TAOK3: variants seen among roughly 807,000 people sequenced by gnomAD.
The protein encoded by TAOK3 is TAO kinase 3, also known as serine/threonine-protein kinase TAO3.
Under a neutral mutation model 120.4 loss-of-function variants are expected in TAOK3, and 40 were observed. The ratio of observed to expected loss-of-function variants is 0.33; its 90% confidence interval spans 0.26 to 0.43. TAOK3 has a LOEUF of 0.43. TAOK3 is among the 20% of genes least tolerant of loss of function. TAOK3 has a pLI of 1.00. For synonymous variants in TAOK3, 355 were observed against 387.5 expected, an observed-to-expected ratio of 0.92 and a Z score of 0.99; for missense variants, 821 against 1,112.1, an observed-to-expected ratio of 0.74 and a Z score of 3.72.
At chr12:118,314,361 C>T (rs150288140) in intron 1 of TAOK3, among the ~76,000 whole-genome samples, 255 of 152,168 alleles carry the variant, frequency 1.7e-3, no homozygotes, top group Non-Finnish European at 2.9e-3. Flanking sequence ...TATTGAGATA[C>T]AACTAATTAT....
At chr12:118,341,229 G>A (rs2044606223) in intron 1 of TAOK3, among the ~76,000 whole-genome samples, 1 of 151,992 alleles carries the variant, frequency 6.6e-6, no homozygotes, top group South Asian at 2.1e-4. Flanking sequence ...TCAAACATCT[G>A]ACCTCAAGTG....
At chr12:118,248,986 AT>A (rs1299593301) in intron 3 of TAOK3, among the ~76,000 whole-genome samples, 1 of 152,194 alleles carries the variant, frequency 6.6e-6, no homozygotes, top group Non-Finnish European at 1.5e-5. Context: ...TTAAAAAAAA[AT>A]CAATGTTTTA....
intron 1 of TAOK3, among the ~76,000 whole-genome samples, chr12:118,288,643 C>T (rs551929268): frequency 6.6e-6 from 1 of 152,206 alleles, no homozygotes; most frequent in South Asian, 2.1e-4. Flanking sequence ...AAGCCAGGGG[C>T]GGTGGCTCAC....
chr12:118,178,022 C>T (rs1031856376), intron 15 of TAOK3, among the ~76,000 whole-genome samples: 4 of 152,078 alleles, frequency 2.6e-5, no homozygotes, highest in Non-Finnish European at 5.9e-5. Context: ...GCATAGCTCA[C>T]TGCAGCCTAA....
intron 1 of TAOK3, among the ~76,000 whole-genome samples, chr12:118,341,475 T>C (rs1477714433): frequency 6.6e-6 from 1 of 152,118 alleles, no homozygotes; most frequent in East Asian, 1.9e-4. Flanking sequence ...AATAATGCAA[T>C]GCATTTTAAA....
At chr12:118,246,113 G>C in intron 3 of TAOK3, 2 of 1,355,514 alleles carry the variant, frequency 1.5e-6, no homozygotes, top group Non-Finnish European at 1.0e-6. Context: ...CAGCGGGGGG[G>C]CACGGAGGCC....
At chr12:118,255,744 T>G in intron 2 of TAOK3, 89 bp from the exon 3 acceptor site, 1 of 609,748 alleles carries the variant, frequency 1.6e-6, no homozygotes, top group East Asian at 3.0e-5. Flanking sequence ...AAAAGCCTCT[T>G]GGTCTCACAA....
chr12:118,287,356 C>T (rs1265449920), intron 1 of TAOK3, among the ~76,000 whole-genome samples: 1 of 152,136 alleles, frequency 6.6e-6, no homozygotes, highest in Non-Finnish European at 1.5e-5. Flanking sequence ...CAGGTTCAGG[C>T]AATTCTCCTG....
At chr12:118,259,814 T>C (rs11068891) in intron 2 of TAOK3, among the ~76,000 whole-genome samples, 26,641 of 151,842 alleles carry the variant, frequency 0.18, 2,415 homozygotes, top group East Asian at 0.26. Flanking sequence ...GGGCAGAGTG[T>C]CAAATAGAAG....
chr12:118,235,537 A>T lies in TAOK3; in HGVS notation c.551+21T>A, dbSNP rs766257225. 14 of 1,584,088 alleles carry T rather than the reference A, an allele frequency of 8.8e-6. No homozygotes were observed. In the South Asian group the frequency reaches 1.6e-4, roughly 18 times the overall value. On this transcript the variant is annotated intron_variant, in intron 8 of 20. Coordinates refer to ENST00000392533, the MANE Select transcript of TAOK3 (RefSeq NM_016281.4). ...TGTATGCAGATTTTAAAACTATGTCATATAGCCTAATTCTACATACCAGTA... is the reference window on the plus strand; with the variant it reads ...TGTATGCAGATTTTAAAACTATGTCTTATAGCCTAATTCTACATACCAGTA...
Position 118,371,240 on chromosome 12 carries a change from C to G in TAOK3, c.-194+1408G>C, listed in dbSNP as rs1359206292. On this transcript the variant is annotated intron_variant, in intron 1 of 20. Transcript: ENST00000392533. The surrounding 1 kb of genome is among the most constrained non-coding windows in gnomAD (Gnocchi z 5.5). ...CACGGGTCTCCAAAAGGATCCCTGTCCCTTTCAACTTCTTGTGGAGGGGGA... is the reference window on the plus strand; with the variant it reads ...CACGGGTCTCCAAAAGGATCCCTGTGCCTTTCAACTTCTTGTGGAGGGGGA... Among the ~76,000 whole-genome samples the G allele has an allele frequency of 2.6e-5, 4 of 152,176 alleles. No individual in the cohort carries two copies. The highest frequency in any genetic ancestry group is 5.9e-5 in the Non-Finnish European group (4 of 68,040).
intron 1 of TAOK3, among the ~76,000 whole-genome samples, chr12:118,339,332 T>C (rs1041883665): frequency 7.4e-6 from 1 of 134,398 alleles, no homozygotes; most frequent in Non-Finnish European, 1.5e-5. Context: ...TTGCCCAGGC[T>C]GGAGTGCAAT....
At chr12:118,355,728 A>G (rs2045363519) in intron 1 of TAOK3, among the ~76,000 whole-genome samples, 1 of 152,234 alleles carries the variant, frequency 6.6e-6, no homozygotes, top group Admixed American at 6.5e-5. Flanking sequence ...TGAAATATCC[A>G]AAAATGGCAA....
At chr12:118,361,130 C>G (rs1001211426) in intron 1 of TAOK3, among the ~76,000 whole-genome samples, 1 of 152,134 alleles carries the variant, frequency 6.6e-6, no homozygotes, top group Admixed American at 6.5e-5. Context: ...CGAAGCAAAA[C>G]AAGTGAAATT....
At chr12:118,355,390 C>A (rs1203813714) in intron 1 of TAOK3, among the ~76,000 whole-genome samples, 1 of 152,108 alleles carries the variant, frequency 6.6e-6, no homozygotes, top group East Asian at 1.9e-4. Context: ...CGGGCTGTTC[C>A]ATCAAATTGG....
chr12:118,291,000 C>T (rs868452094), intron 1 of TAOK3, among the ~76,000 whole-genome samples: 12 of 147,332 alleles, frequency 8.1e-5, no homozygotes, highest in East Asian at 6.0e-4. Flanking sequence ...GGATTACAGG[C>T]GCCTGCCACC....
chr12:118,310,156 C>A (rs1165051689), intron 1 of TAOK3, among the ~76,000 whole-genome samples: 1 of 152,090 alleles, frequency 6.6e-6, no homozygotes, highest in Non-Finnish European at 1.5e-5. Context: ...TAGTGGCGTG[C>A]ACCTGTGGTC....
At chr12:118,168,957 TTTCCTTCC>T (rs150570843) in intron 17 of TAOK3, among the ~76,000 whole-genome samples, 23,609 of 147,610 alleles carry the variant, frequency 0.16, 2,131 homozygotes, top group Middle Eastern at 0.34. Context: ...GCTTGCTTGC[TTTCCTTCC>T]TTCCTTCCTT....
At chr12:118,230,310 G>A (rs751343435) in intron 9 of TAOK3, among the ~76,000 whole-genome samples, 26 of 151,780 alleles carry the variant, frequency 1.7e-4, no homozygotes, top group Admixed American at 2.0e-4. Context: ...CTGTTCTACT[G>A]GATACTAGTC....
Sources: allele counts gnomAD v4.1 joint callset (sites outside exome capture counted in the v4.1 genomes callset), GRCh38; gene constraint gnomAD v4.1.1; non-coding constraint Gnocchi (gnomAD v3.1); transcripts MANE v1.5; gene names NCBI Gene and HGNC (gene_info 2026-07-23, HGNC 2026-07-21).